The following DCC variants were observed in gnomAD, a reference collection of about 807,000 sequenced individuals.
DCC encodes DCC netrin 1 receptor, also known as netrin receptor DCC.
In DCC, 58 loss-of-function variants were observed where a neutral mutation model predicts 172.5. The observed-to-expected ratio is 0.34, with a 90% confidence interval of 0.27 to 0.42. The LOEUF (loss-of-function observed/expected upper bound fraction) is 0.42, where lower values mean the gene tolerates loss of function less well. Among genes scored for constraint, DCC ranks in the 10% least tolerant of loss-of-function variants. DCC has a pLI of 1.00. For synonymous variants in DCC, 709 were observed against 644.5 expected, an observed-to-expected ratio of 1.10 and a Z score of -1.52; for missense variants, 1,740 against 1,791.0, an observed-to-expected ratio of 0.97 and a Z score of 0.51.
At chr18:52,691,427 T>C (rs2035928613) in intron 1 of DCC, among the ~76,000 whole-genome samples, 1 of 152,072 alleles carries the variant, frequency 6.6e-6, no homozygotes, top group South Asian at 2.1e-4. Context: ...AAGGTAGAAA[T>C]TTGAGATCAA....
intron 1 of DCC, among the ~76,000 whole-genome samples, chr18:52,513,837 T>C (rs1344298100): frequency 2.0e-5 from 3 of 152,194 alleles, no homozygotes; most frequent in Non-Finnish European, 4.4e-5. Flanking sequence ...CTTTGAGGTT[T>C]GTTTCATTTC....
intron 5 of DCC, among the ~76,000 whole-genome samples, chr18:52,957,143 G>A (rs1239211555): frequency 6.6e-6 from 1 of 152,038 alleles, no homozygotes; most frequent in African/African-American, 2.4e-5. Context: ...AAATTAAAAG[G>A]TTTGCTAGTT....
intron 9 of DCC, among the ~76,000 whole-genome samples, chr18:53,203,200 C>CG (rs2055568596): frequency 3.5e-5 from 2 of 57,322 alleles, no homozygotes; most frequent in African/African-American, 1.2e-4. Flanking sequence ...TATAGATTCT[C>CG]TTGTGTGTGT....
intron 25 of DCC, 69 bp from the exon 26 acceptor site, chr18:53,486,728 C>T (rs2045904210): frequency 8.7e-6 from 14 of 1,605,426 alleles, no homozygotes; most frequent in East Asian, 2.2e-5. Flanking sequence ...AAAATTCCAC[C>T]GTTTTCTTTT....
intron 2 of DCC, among the ~76,000 whole-genome samples, chr18:52,900,471 C>T (rs1255120700): frequency 2.6e-5 from 4 of 152,156 alleles, no homozygotes; most frequent in African/African-American, 9.7e-5. Flanking sequence ...GCACCCAATG[C>T]TTACTGTACA....
intron 1 of DCC, among the ~76,000 whole-genome samples, chr18:52,660,622 G>A (rs907320138): frequency 6.6e-6 from 1 of 152,164 alleles, no homozygotes; most frequent in Non-Finnish European, 1.5e-5. Context: ...TCGCCTATAA[G>A]TCTTTCTTAA....
At chr18:53,270,380 G>A (rs1292862519) in intron 12 of DCC, among the ~76,000 whole-genome samples, 2 of 151,910 alleles carry the variant, frequency 1.3e-5, no homozygotes, top group East Asian at 1.9e-4. Flanking sequence ...GGGGGAGGGG[G>A]AAAAGTGCCA....
intron 12 of DCC, among the ~76,000 whole-genome samples, chr18:53,292,526 A>C (rs529791053): frequency 1.6e-4 from 24 of 152,206 alleles, no homozygotes; most frequent in African/African-American, 5.8e-4. Context: ...GTCTCCACTA[A>C]ACATACAAAA....
intron 5 of DCC, among the ~76,000 whole-genome samples, chr18:53,036,664 GATAGGTAGC>G (rs2042096909): frequency 6.6e-6 from 1 of 151,998 alleles, no homozygotes; most frequent in East Asian, 1.9e-4. Flanking sequence ...TAACAGCTTA[GATAGGTAGC>G]ATAGGTAGCT....
At chr18:53,246,857 C>A (rs765628062) in intron 12 of DCC, among the ~76,000 whole-genome samples, 3 of 151,968 alleles carry the variant, frequency 2.0e-5, no homozygotes, top group South Asian at 2.1e-4. Context: ...GGAACAGTTG[C>A]CTGGAGTTGG....
intron 11 of DCC, among the ~76,000 whole-genome samples, chr18:53,208,057 A>G (rs1248353710): frequency 6.6e-6 from 1 of 151,176 alleles, no homozygotes; most frequent in Non-Finnish European, 1.5e-5. Flanking sequence ...TAAGCCTAGG[A>G]GTTCAAGACC....
At chr18:52,652,711 AGTGT>A (rs71175513) in intron 1 of DCC, among the ~76,000 whole-genome samples, 18 of 143,344 alleles carry the variant, frequency 1.3e-4, no homozygotes, top group Non-Finnish European at 2.3e-4. Flanking sequence ...ACTGCAATAA[AGTGT>A]GTGTGTGTGT....
chr18:52,893,825 A>G (rs2039688266), intron 2 of DCC, among the ~76,000 whole-genome samples: 1 of 152,186 alleles, frequency 6.6e-6, no homozygotes, highest in Non-Finnish European at 1.5e-5. Context: ...GAATAATACC[A>G]AAACACAGGA....
At chr18:52,358,279 T>C (rs1984467475) in intron 1 of DCC, among the ~76,000 whole-genome samples, 1 of 152,174 alleles carries the variant, frequency 6.6e-6, no homozygotes, top group Non-Finnish European at 1.5e-5. Flanking sequence ...CTGTGCATTG[T>C]CCGTAAAACT....
intron 2 of DCC, among the ~76,000 whole-genome samples, chr18:52,815,410 G>A (rs1025593382): frequency 7.3e-5 from 3 of 41,356 alleles, no homozygotes; most frequent in Non-Finnish European, 1.1e-4. Flanking sequence ...CTTCTCACAC[G>A]TACACACACA....
At chr18:53,071,991 G>A (rs8085073) in intron 7 of DCC, among the ~76,000 whole-genome samples, 3,515 of 152,142 alleles carry the variant, frequency 0.023, 160 homozygotes, top group African/African-American at 0.08. Context: ...AGTTGGGCAT[G>A]GTGACACATG....
intron 26 of DCC, among the ~76,000 whole-genome samples, chr18:53,495,764 A>C (rs1315407697): frequency 6.6e-6 from 1 of 152,210 alleles, no homozygotes; most frequent in Non-Finnish European, 1.5e-5. Flanking sequence ...AATCAGACGT[A>C]GATTTGGTCT....
intron 1 of DCC, among the ~76,000 whole-genome samples, chr18:52,508,852 GGAA>G (rs2031329029): frequency 6.6e-6 from 1 of 152,158 alleles, no homozygotes; most frequent in Non-Finnish European, 1.5e-5. Context: ...GCTATAAGAG[GGAA>G]GAAGATGATG....
At chr18:53,207,018 G>A (rs1287301185) in intron 10 of DCC, among the ~76,000 whole-genome samples, 4 of 134,410 alleles carry the variant, frequency 3.0e-5, no homozygotes, top group African/African-American at 1.0e-4. Context: ...TTTTGCTCTT[G>A]TTTTTTCAAC....
Sources: gnomAD v4.1 joint callset for allele counts (sites outside exome capture counted in the v4.1 genomes callset) on GRCh38, gnomAD v4.1.1 for gene constraint, MANE v1.5 for transcripts, NCBI Gene and HGNC (gene_info 2026-07-23, HGNC 2026-07-21) for gene names.